The following ZNF611 variants were observed in gnomAD, a reference collection of about 807,000 sequenced individuals.
ZNF611 encodes zinc finger protein 611.
ZNF611 carries 6 observed loss-of-function variants against 8.9 expected under a neutral mutation model. The ratio of observed to expected loss-of-function variants is 0.68; its 90% CI spans 0.37 to 1.34. The LOEUF (loss-of-function observed/expected upper bound fraction) is 1.34. ZNF611 is among the 40% of genes most tolerant of loss of function. The pLI is 0.02. For missense variants in ZNF611, 874 were observed against 841.3 expected, an observed-to-expected ratio of 1.04 and a Z score of -0.48; for synonymous variants, 262 against 279.7, an observed-to-expected ratio of 0.94 and a Z score of 0.63.
At chr19:52,732,559 A>AGAATAACTCACAGTATTGAGTTATTCT (rs1568611606) in intron 1 of ZNF611, among the ~76,000 whole-genome samples, 801 of 20,200 alleles carry the variant, frequency 0.04, 221 homozygotes, top group African/African-American at 0.098. Context: ...TGAGTTATTC[A>AGAATAACTCACAGTATTGAGTTATTCT]GAATAACTCA....
chr19:52,712,206 C>T (rs1003521132), intron 5 of ZNF611, among the ~76,000 whole-genome samples: 8 of 149,922 alleles, frequency 5.3e-5, no homozygotes, highest in African/African-American at 2.0e-4. Context: ...TCCAGAAATG[C>T]ATACAAACAC....
At chr19:52,732,105 C>A (rs1164199697) in intron 1 of ZNF611, among the ~76,000 whole-genome samples, 5 of 151,852 alleles carry the variant, frequency 3.3e-5, no homozygotes, top group Admixed American at 3.3e-4. Flanking sequence ...CCTGTCTCTA[C>A]TAATAATACA....
At chr19:52,732,391 TTATTCTGAATAACTCACAG>T (rs1175186719) in intron 1 of ZNF611, among the ~76,000 whole-genome samples, 12 of 131,780 alleles carry the variant, frequency 9.1e-5, no homozygotes, top group African/African-American at 2.8e-4. Flanking sequence ...CAGTATTGAG[TTATTCTGAATAACTCACAG>T]TATTGAGTTA....
intron 1 of ZNF611, among the ~76,000 whole-genome samples, chr19:52,731,230 C>T: frequency 6.6e-6 from 1 of 152,124 alleles, no homozygotes; most frequent in Admixed American, 6.5e-5. Flanking sequence ...CCACGCTCAG[C>T]TAATTTTTGT....
In ZNF611 at chr19:52,721,285, C is replaced by T. The variant is rs541473956; in HGVS notation, c.-19-5372G>A. On this transcript the variant is annotated intron_variant, in intron 3 of 5. Coordinates refer to ENST00000652185, the MANE Select transcript of ZNF611 (RefSeq NM_001161499.2). Reference sequence around the variant, plus strand: ...CTCACTTCCTAGATGGGGTGGTGGCCGGGCAGAGGCTATAATCTCAGCACT... The same window carrying T: ...CTCACTTCCTAGATGGGGTGGTGGCTGGGCAGAGGCTATAATCTCAGCACT... The T allele has an allele frequency of 4.6e-4, 77 of 167,934 alleles. No homozygotes were observed. In the East Asian group the frequency reaches 9.3e-3, roughly 20 times the overall value. 10.4% of individuals were successfully genotyped at this position (167,934 alleles called of 1,614,324 possible).
At chr19:52,711,361 A>C (rs2062278690) in intron 5 of ZNF611, 1 of 151,680 alleles carries the variant, frequency 6.6e-6, no homozygotes, top group South Asian at 2.1e-4. Flanking sequence ...CAAAAAACAA[A>C]AAAAAAAACC....
intron 1 of ZNF611, among the ~76,000 whole-genome samples, chr19:52,733,744 C>A (rs923217898): frequency 1.3e-5 from 2 of 151,820 alleles, no homozygotes; most frequent in African/African-American, 4.8e-5. Context: ...TCCTCTCCTG[C>A]TATTCATCCC....
intron 5 of ZNF611, among the ~76,000 whole-genome samples, chr19:52,711,688 T>C (rs150495548): frequency 0.048 from 7,244 of 152,096 alleles, 374 homozygotes; most frequent in African/African-American, 0.13. Context: ...TGAGTCATGA[T>C]GTCCTGCACA....
chr19:52,718,712 C>T (rs1015335878), intron 3 of ZNF611, among the ~76,000 whole-genome samples: 1 of 151,978 alleles, frequency 6.6e-6, no homozygotes, highest in African/African-American at 2.4e-5. Context: ...GCAGGAGAAT[C>T]ACTTGAACTC....
At chr19:52,715,453 G>A (rs2062310228) in intron 4 of ZNF611, among the ~76,000 whole-genome samples, 1 of 152,154 alleles carries the variant, frequency 6.6e-6, no homozygotes, top group South Asian at 2.1e-4. Context: ...TCCTTTTCCA[G>A]AATTAACCAC....
chr19:52,710,354 C>A (rs115838786), intron 5 of ZNF611, among the ~76,000 whole-genome samples: 7 of 151,800 alleles, frequency 4.6e-5, no homozygotes, highest in Middle Eastern at 3.4e-3. Context: ...CTCAGCCTCA[C>A]GAGAAGCTGG....
chr19:52,714,815 T>C (rs1046002193), intron 4 of ZNF611, among the ~76,000 whole-genome samples: 6 of 150,840 alleles, frequency 4.0e-5, no homozygotes, highest in African/African-American at 1.5e-4. Context: ...CTGGTCAACA[T>C]GGCAAAACCA....
At chr19:52,730,508 T>C (rs969074058) in intron 1 of ZNF611, among the ~76,000 whole-genome samples, 4 of 151,266 alleles carry the variant, frequency 2.6e-5, no homozygotes, top group African/African-American at 9.7e-5. Context: ...TTCCTGCAGA[T>C]GGGGCCTGTG....
chr19:52,705,714 A>T lies in ZNF611; in HGVS notation c.1341T>A (p.Leu447=). The change falls in exon 6 of 6, where the codon CTT becomes CTA. Residue 447 remains leucine, a synonymous_variant. Transcript: ENST00000652185. ...HKSSLVCHHR[L]HGGEKSYKCK... ...ATTTGTAAGATTTCTCTCCACCATG[A>T]AGTCTATGATGGCATACAAGGGATG... 6 of 1,613,990 alleles carry T rather than the reference A, an allele frequency of 3.7e-6. No homozygotes were observed. Among genetic ancestry groups the T allele is most frequent in the Non-Finnish European group, 5.1e-6 (6 of 1,179,936 alleles).
intron 3 of ZNF611, 185 bp from the exon 4 acceptor site, chr19:52,716,098 C>G: frequency 1.6e-6 from 1 of 636,242 alleles, no homozygotes; most frequent in African/African-American, 1.8e-5. Flanking sequence ...TGACCCCAGT[C>G]TTCAGATCTC....
Position 52,706,605 on chromosome 19 carries a change from C to T in ZNF611, c.450G>A (p.Lys150=), listed in dbSNP as rs1211702698. ...DQHDHRHAGN[K]PIKDQLGSSF... The stretch of plus-strand genomic sequence containing the variant: ...TTGATCCAAGCTGATCTTTAATAGG[C>T]TTGTTTCCAGCATGCCTGTGATCAT... Residue 150 remains lysine (K), a synonymous_variant, in exon 6 of 6, where the codon AAG becomes AAA. Transcript: ENST00000652185. 20 of 1,613,994 alleles carry T rather than the reference C, an allele frequency of 1.2e-5. No individual in the cohort carries two copies. Among genetic ancestry groups the T allele is most frequent in the Middle Eastern group, 1.6e-4 (1 of 6,084 alleles).
At chr19:52,721,643 C>T (rs1056774455) in intron 3 of ZNF611, among the ~76,000 whole-genome samples, 2 of 148,094 alleles carry the variant, frequency 1.4e-5, no homozygotes, top group African/African-American at 2.6e-5. Flanking sequence ...TGTCCAGCCT[C>T]GGCAACAGAG....
At chr19:52,722,463 G>A (rs1164154135) in intron 3 of ZNF611, among the ~76,000 whole-genome samples, 1 of 151,804 alleles carries the variant, frequency 6.6e-6, no homozygotes. Context: ...CCACATCACT[G>A]CCCCACTTTC....
intron 1 of ZNF611, among the ~76,000 whole-genome samples, chr19:52,733,295 C>G (rs540694241): frequency 4.1e-4 from 63 of 152,240 alleles, no homozygotes; most frequent in African/African-American, 1.5e-3. Flanking sequence ...TGAACCCAGT[C>G]TCTCGCCCCT....
Sources: allele counts gnomAD v4.1 joint callset (sites outside exome capture counted in the v4.1 genomes callset), GRCh38; gene constraint gnomAD v4.1.1; transcripts MANE v1.5; gene names NCBI Gene and HGNC (gene_info 2026-07-23, HGNC 2026-07-21).